CDK8: variants seen among roughly 807,000 people sequenced by gnomAD.
The protein encoded by CDK8 is cyclin-dependent kinase 8.
A neutral mutation model predicts 71.5 loss-of-function variants in CDK8; 29 were observed. The observed-to-expected ratio is 0.41, with a 90% CI of 0.30 to 0.55. The LOEUF is 0.55. CDK8 is among the 20% of genes least tolerant of loss of function. The pLI is 0.37. For missense variants in CDK8, 288 were observed against 572.6 expected, an observed-to-expected ratio of 0.50 and a Z score of 5.07; for synonymous variants, 161 against 192.1, an observed-to-expected ratio of 0.84 and a Z score of 1.34.
intron 1 of CDK8, among the ~76,000 whole-genome samples, chr13:26,315,534 A>G (rs1052890687): frequency 6.6e-6 from 1 of 152,166 alleles, no homozygotes; most frequent in Non-Finnish European, 1.5e-5. Flanking sequence ...TCATTACTTT[A>G]TCCATTTATG....
At chr13:26,350,140 A>G (rs1265039432) in intron 3 of CDK8, among the ~76,000 whole-genome samples, 1 of 152,216 alleles carries the variant, frequency 6.6e-6, no homozygotes, top group Non-Finnish European at 1.5e-5. Context: ...CACAACTGCA[A>G]AATTGCCTAA....
At chr13:26,308,816 C>T (rs1874156284) in intron 1 of CDK8, among the ~76,000 whole-genome samples, 2 of 152,204 alleles carry the variant, frequency 1.3e-5, no homozygotes, top group Non-Finnish European at 2.9e-5. Flanking sequence ...CTGCCTCCCT[C>T]ATTCCACTTA....
At chr13:26,268,007 A>G (rs1872107524) in intron 1 of CDK8, among the ~76,000 whole-genome samples, 1 of 152,136 alleles carries the variant, frequency 6.6e-6, no homozygotes, top group African/African-American at 2.4e-5. Flanking sequence ...CTAGCAGATC[A>G]CTGCAAGCAG....
chr13:26,366,254 G>A (rs373733403), intron 4 of CDK8, among the ~76,000 whole-genome samples: 1 of 151,998 alleles, frequency 6.6e-6, no homozygotes, highest in Non-Finnish European at 1.5e-5. Flanking sequence ...TCAAATAACA[G>A]AACAAAAGTA....
At chr13:26,356,023 A>T (rs1042525904) in intron 4 of CDK8, among the ~76,000 whole-genome samples, 2 of 152,110 alleles carry the variant, frequency 1.3e-5, no homozygotes, top group Non-Finnish European at 2.9e-5. Context: ...TATCTCTCTT[A>T]TGGTAAAGCT....
At chr13:26,263,962 T>C (rs1438892839) in intron 1 of CDK8, among the ~76,000 whole-genome samples, 1 of 148,082 alleles carries the variant, frequency 6.8e-6, no homozygotes, top group East Asian at 2.1e-4. Context: ...TTAGCCAGGA[T>C]GGTCTTGATC....
At chr13:26,287,744 A>G (rs749309485) in intron 1 of CDK8, among the ~76,000 whole-genome samples, 8 of 152,206 alleles carry the variant, frequency 5.3e-5, no homozygotes, top group Non-Finnish European at 1.2e-4. Flanking sequence ...AAATAGATCA[A>G]ATAATTCTAA....
At chr13:26,315,640 A>G (rs1049619541) in intron 1 of CDK8, among the ~76,000 whole-genome samples, 5 of 152,158 alleles carry the variant, frequency 3.3e-5, no homozygotes, top group Non-Finnish European at 7.4e-5. Flanking sequence ...CCAATTTAGC[A>G]TTGTGGTTGA....
chr13:26,373,921 C>G (rs1874810278), intron 4 of CDK8, among the ~76,000 whole-genome samples: 1 of 150,520 alleles, frequency 6.6e-6, no homozygotes, highest in Admixed American at 6.6e-5. Flanking sequence ...GTGGCTCACG[C>G]CTGTAATCCC....
intron 1 of CDK8, among the ~76,000 whole-genome samples, chr13:26,314,422 T>TG (rs1341577232): frequency 2.6e-5 from 4 of 152,246 alleles, no homozygotes; most frequent in Admixed American, 6.5e-5. Context: ...ACTGTAGCTA[T>TG]GGCTAATACA....
At chr13:26,345,689 T>G (rs1593278072) in intron 2 of CDK8, among the ~76,000 whole-genome samples, 1 of 152,146 alleles carries the variant, frequency 6.6e-6, no homozygotes, top group East Asian at 1.9e-4. Context: ...GGCCGCTAAT[T>G]TTTATATTTT....
intron 4 of CDK8, among the ~76,000 whole-genome samples, chr13:26,356,155 C>A (rs1308009021): frequency 6.6e-6 from 1 of 151,868 alleles, no homozygotes; most frequent in Non-Finnish European, 1.5e-5. Context: ...GGATTGGTGC[C>A]CCCTAATATA....
chr13:26,316,461 A>T (rs971683355), intron 1 of CDK8, among the ~76,000 whole-genome samples: 2 of 152,156 alleles, frequency 1.3e-5, no homozygotes, highest in Non-Finnish European at 2.9e-5. Flanking sequence ...ATCTAGAGTC[A>T]CTTCTGGCAG....
intron 1 of CDK8, among the ~76,000 whole-genome samples, chr13:26,266,108 A>G (rs1872006734): frequency 6.6e-6 from 1 of 151,680 alleles, no homozygotes; most frequent in Non-Finnish European, 1.5e-5. Context: ...GCAGCTGGAT[A>G]TTGCCATTCA....
At chr13:26,395,874 G>T (rs959140271) in intron 7 of CDK8, among the ~76,000 whole-genome samples, 1 of 152,146 alleles carries the variant, frequency 6.6e-6, no homozygotes, top group Non-Finnish European at 1.5e-5. Context: ...CTGAGGGGAA[G>T]ATCTTAGATT....
intron 4 of CDK8, among the ~76,000 whole-genome samples, chr13:26,381,531 G>A (rs1477477500): frequency 6.6e-6 from 1 of 152,040 alleles, no homozygotes; most frequent in East Asian, 1.9e-4. Flanking sequence ...TTACAGCAGT[G>A]CATATTAATT....
intron 4 of CDK8, among the ~76,000 whole-genome samples, chr13:26,360,320 A>C (rs1025963879): frequency 6.6e-6 from 1 of 152,120 alleles, no homozygotes; most frequent in Non-Finnish European, 1.5e-5. Context: ...ACATTGTCAA[A>C]TATGCTGGTA....
intron 1 of CDK8, among the ~76,000 whole-genome samples, chr13:26,273,953 T>G (rs774144275): frequency 1.3e-5 from 2 of 152,208 alleles, no homozygotes; most frequent in African/African-American, 4.8e-5. Flanking sequence ...ACTGTGTATA[T>G]TCCATGTCAC....
intron 1 of CDK8, among the ~76,000 whole-genome samples, chr13:26,274,474 C>T (rs1354471345): frequency 3.3e-5 from 5 of 151,398 alleles, no homozygotes; most frequent in Non-Finnish European, 7.4e-5. Flanking sequence ...CTCTGTTGCC[C>T]AGGCTGGAGT....
Sources: allele counts gnomAD v4.1 joint callset (sites outside exome capture counted in the v4.1 genomes callset), GRCh38; gene constraint gnomAD v4.1.1; transcripts MANE v1.5; gene names NCBI Gene and HGNC (gene_info 2026-07-23, HGNC 2026-07-21).